The following MECOM variants were observed in gnomAD, a reference collection of about 807,000 sequenced individuals.
The protein encoded by MECOM is histone-lysine N-methyltransferase MECOM.
MECOM carries 13 observed loss-of-function variants against 116.3 expected under a neutral mutation model. That is an observed-to-expected ratio of 0.11 (90% confidence interval 0.07 to 0.18). MECOM has a LOEUF of 0.18. Among genes scored for constraint, MECOM ranks in the 10% least tolerant of loss-of-function variants. The pLI is 1.00. For missense variants in MECOM, 1,299 were observed against 1,509.0 expected, an observed-to-expected ratio of 0.86 and a Z score of 2.31; for synonymous variants, 528 against 535.2, an observed-to-expected ratio of 0.99 and a Z score of 0.19.
chr3:169,548,318 T>G (rs1157273368), intron 1 of MECOM, among the ~76,000 whole-genome samples: 2 of 152,324 alleles, frequency 1.3e-5, no homozygotes, highest in East Asian at 3.9e-4. Context: ...GAAGAACCCA[T>G]GTGCAAGTAG....
intron 2 of MECOM, among the ~76,000 whole-genome samples, chr3:169,288,149 GA>G (rs554844312): frequency 6.6e-6 from 1 of 151,590 alleles, no homozygotes; most frequent in Non-Finnish European, 1.5e-5. Context: ...AACCATTATG[GA>G]AAAAACAGAA....
chr3:169,100,100 TC>T (rs3980921), intron 12 of MECOM, among the ~76,000 whole-genome samples: 37,887 of 80,514 alleles, frequency 0.47, 9,274 homozygotes, highest in Non-Finnish European at 0.53. Context: ...TTTCTTTCTT[TC>T]TTTTTTTTTT....
chr3:169,389,614 T>A (rs1733918131), intron 1 of MECOM: 1 of 985,028 alleles, frequency 1.0e-6, no homozygotes, highest in Non-Finnish European at 1.2e-6. Context: ...GTGATTTTCC[T>A]TCAGATTCAT....
At chr3:169,161,673 T>C (rs1742862720) in intron 2 of MECOM, among the ~76,000 whole-genome samples, 1 of 152,212 alleles carries the variant, frequency 6.6e-6, no homozygotes, top group South Asian at 2.1e-4. Flanking sequence ...AGTGGTCTAA[T>C]TCTCCTCATG....
chr3:169,332,724 T>G (rs558687687), intron 2 of MECOM, among the ~76,000 whole-genome samples: 3 of 152,212 alleles, frequency 2.0e-5, no homozygotes, highest in African/African-American at 7.2e-5. Context: ...TGAATAGACA[T>G]TTTACATTTG....
At chr3:169,659,440 A>ATGTTTTT (rs1775966303) in intron 1 of MECOM, among the ~76,000 whole-genome samples, 1 of 62,138 alleles carries the variant, frequency 1.6e-5, no homozygotes, top group Non-Finnish European at 2.8e-5. Flanking sequence ...CTAAACACAG[A>ATGTTTTT]TTTTTTTTTT....
chr3:169,332,979 G>A (rs1469946288), intron 2 of MECOM, among the ~76,000 whole-genome samples: 1 of 151,984 alleles, frequency 6.6e-6, no homozygotes, highest in Non-Finnish European at 1.5e-5. Flanking sequence ...CAGCATTGAA[G>A]AAAAAATACT....
intron 1 of MECOM, among the ~76,000 whole-genome samples, chr3:169,642,799 C>CAAA (rs34198855): frequency 6.8e-6 from 1 of 146,990 alleles, no homozygotes; most frequent in African/African-American, 2.5e-5. Flanking sequence ...GCCAACCTAT[C>CAAA]AAAAAAAAAA....
intron 1 of MECOM, among the ~76,000 whole-genome samples, chr3:169,628,638 G>A (rs937534213): frequency 3.9e-5 from 6 of 152,300 alleles, no homozygotes; most frequent in African/African-American, 1.4e-4. Flanking sequence ...TCAGGGGACG[G>A]AACAATTCAT....
chr3:169,090,419 A>G (rs529271385), intron 14 of MECOM, among the ~76,000 whole-genome samples, 183 bp from the exon 15 acceptor site: 2 of 152,092 alleles, frequency 1.3e-5, no homozygotes, highest in African/African-American at 2.4e-5. Context: ...TGGGAAGATA[A>G]AGAAAAAAAT....
At chr3:169,536,353 T>A (rs78582595) in intron 1 of MECOM, among the ~76,000 whole-genome samples, 2 of 150,380 alleles carry the variant, frequency 1.3e-5, no homozygotes, top group Non-Finnish European at 3.0e-5. Context: ...TCTCCTTTTT[T>A]TTTTTTTTTT....
chr3:169,471,407 G>C (rs1173252483), intron 1 of MECOM, among the ~76,000 whole-genome samples: 1 of 151,364 alleles, frequency 6.6e-6, no homozygotes, highest in Non-Finnish European at 1.5e-5. Context: ...CACCTATCCT[G>C]TGTAACTCCT....
intron 2 of MECOM, among the ~76,000 whole-genome samples, chr3:169,267,789 C>T (rs1425503886): frequency 6.6e-6 from 1 of 151,916 alleles, no homozygotes; most frequent in African/African-American, 2.4e-5. Context: ...CCAACAGTTG[C>T]TTTCCATTTA....
chr3:169,649,256 T>C (rs111475056), intron 1 of MECOM, among the ~76,000 whole-genome samples: 1 of 151,738 alleles, frequency 6.6e-6, no homozygotes, highest in Non-Finnish European at 1.5e-5. Context: ...GCGCACAAGT[T>C]CGAGACCAGC....
intron 1 of MECOM, among the ~76,000 whole-genome samples, chr3:169,615,999 C>A (rs988150074): frequency 6.6e-6 from 1 of 152,216 alleles, no homozygotes; most frequent in African/African-American, 2.4e-5. Context: ...TGGCTCCTTT[C>A]CAAATCTTCG....
chr3:169,124,265 C>T (rs1732059801), intron 5 of MECOM, among the ~76,000 whole-genome samples: 1 of 152,036 alleles, frequency 6.6e-6, no homozygotes, highest in Non-Finnish European at 1.5e-5. Context: ...AAGATGTTAA[C>T]ACCACAATGA....
chr3:169,365,895 G>A (rs928969619), intron 2 of MECOM, among the ~76,000 whole-genome samples: 11 of 152,012 alleles, frequency 7.2e-5, no homozygotes, highest in Non-Finnish European at 1.5e-4. Context: ...TCTAAGGTGT[G>A]TGTTTCTGTT....
intron 1 of MECOM, among the ~76,000 whole-genome samples, chr3:169,418,740 C>T (rs956106439): frequency 5.3e-5 from 8 of 152,082 alleles, no homozygotes; most frequent in Admixed American, 4.6e-4. Flanking sequence ...ATTGATGGAA[C>T]ATATGTCAAA....
At chr3:169,259,635 A>G (rs1392761537) in intron 2 of MECOM, among the ~76,000 whole-genome samples, 1 of 152,184 alleles carries the variant, frequency 6.6e-6, no homozygotes, top group East Asian at 1.9e-4. Context: ...AGGCTGAGGC[A>G]GGTGGATCAC....
Sources: gnomAD v4.1 joint callset for allele counts (sites outside exome capture counted in the v4.1 genomes callset) on GRCh38, gnomAD v4.1.1 for gene constraint, MANE v1.5 for transcripts, NCBI Gene and HGNC (gene_info 2026-07-23, HGNC 2026-07-21) for gene names.